The following NLGN1 variants were observed in gnomAD, a reference collection of about 807,000 sequenced individuals.
The protein encoded by NLGN1 is neuroligin 1.
In NLGN1, 12 loss-of-function variants were observed where a neutral mutation model predicts 65.5. That is an observed-to-expected ratio of 0.18 (90% CI 0.12 to 0.30). The LOEUF (loss-of-function observed/expected upper bound fraction) is 0.30. Ranked by LOEUF, NLGN1 falls within the 10% of genes least tolerant of loss-of-function variation. NLGN1 has a pLI of 1.00. For missense variants in NLGN1, 750 were observed against 1,007.1 expected, an observed-to-expected ratio of 0.74 and a Z score of 3.46; for synonymous variants, 350 against 359.5, an observed-to-expected ratio of 0.97 and a Z score of 0.30.
At chr3:173,772,886 G>A (rs1450608471) in intron 3 of NLGN1, among the ~76,000 whole-genome samples, 1 of 152,074 alleles carries the variant, frequency 6.6e-6, no homozygotes, top group Non-Finnish European at 1.5e-5. Context: ...CAGCCAGCAG[G>A]CTATAATTCC....
At chr3:173,405,758 G>A (rs768144513) in intron 1 of NLGN1, among the ~76,000 whole-genome samples, 3 of 152,026 alleles carry the variant, frequency 2.0e-5, no homozygotes, top group Non-Finnish European at 4.4e-5. Context: ...CGAAGAGACC[G>A]ATGTCTGGGG....
intron 1 of NLGN1, among the ~76,000 whole-genome samples, chr3:173,429,831 G>A (rs1716870723): frequency 6.6e-6 from 1 of 152,174 alleles, no homozygotes; most frequent in African/African-American, 2.4e-5. Flanking sequence ...GGGAAAGGTG[G>A]CTAAGGGTTA....
At chr3:173,470,391 C>A (rs896634421) in intron 2 of NLGN1, among the ~76,000 whole-genome samples, 1 of 152,038 alleles carries the variant, frequency 6.6e-6, no homozygotes, top group Non-Finnish European at 1.5e-5. Flanking sequence ...TTCTCTTTCT[C>A]TCCTTGTGAA....
intron 3 of NLGN1, among the ~76,000 whole-genome samples, chr3:173,684,202 A>G (rs1247180037): frequency 6.6e-6 from 1 of 152,172 alleles, no homozygotes; most frequent in Non-Finnish European, 1.5e-5. Flanking sequence ...TTTTGAAGAC[A>G]CAGTAAGTTT....
At chr3:174,185,785 G>A (rs1375519077) in intron 4 of NLGN1, among the ~76,000 whole-genome samples, 1 of 146,890 alleles carries the variant, frequency 6.8e-6, no homozygotes, top group African/African-American at 2.5e-5. Context: ...GTCAGTAAAG[G>A]TACCCTAAAA....
At chr3:174,150,706 A>C (rs1724154761) in intron 4 of NLGN1, among the ~76,000 whole-genome samples, 1 of 152,166 alleles carries the variant, frequency 6.6e-6, no homozygotes, top group Non-Finnish European at 1.5e-5. Context: ...CAGAGATTCA[A>C]AAGGTAAATA....
intron 2 of NLGN1, among the ~76,000 whole-genome samples, chr3:173,533,146 A>C (rs1736873265): frequency 6.6e-6 from 1 of 152,204 alleles, no homozygotes; most frequent in Admixed American, 6.5e-5. Context: ...GAACAACCTT[A>C]CATTATTTTC....
intron 3 of NLGN1, among the ~76,000 whole-genome samples, chr3:173,786,786 C>G (rs988843562): frequency 6.6e-6 from 1 of 151,988 alleles, no homozygotes; most frequent in Non-Finnish European, 1.5e-5. Context: ...ACTTAGAAAA[C>G]AGATATGGGG....
intron 4 of NLGN1, among the ~76,000 whole-genome samples, chr3:173,940,483 T>C (rs1035715895): frequency 3.3e-5 from 5 of 152,178 alleles, no homozygotes; most frequent in African/African-American, 4.8e-5. Context: ...TCAACACCAG[T>C]TTATCTTTCC....
intron 4 of NLGN1, among the ~76,000 whole-genome samples, chr3:173,945,517 G>A (rs1379531833): frequency 6.6e-6 from 1 of 151,996 alleles, no homozygotes; most frequent in Non-Finnish European, 1.5e-5. Context: ...TCTGTGTTGA[G>A]TTTTAGCTAT....
intron 4 of NLGN1, among the ~76,000 whole-genome samples, chr3:174,145,139 A>G (rs1395605732): frequency 6.6e-6 from 1 of 151,986 alleles, no homozygotes; most frequent in Non-Finnish European, 1.5e-5. Context: ...AGTTTTCCCA[A>G]CACCACTTAT....
intron 4 of NLGN1, among the ~76,000 whole-genome samples, chr3:174,221,049 G>A (rs1738548552): frequency 6.6e-6 from 1 of 152,110 alleles, no homozygotes; most frequent in Non-Finnish European, 1.5e-5. Flanking sequence ...GCAGGGAGTT[G>A]GTTCAATCTC....
At chr3:173,936,385 G>C (rs1194493177) in intron 4 of NLGN1, among the ~76,000 whole-genome samples, 1 of 151,898 alleles carries the variant, frequency 6.6e-6, no homozygotes, top group Non-Finnish European at 1.5e-5. Context: ...TACACCACGG[G>C]TTTAGAAATT....
At chr3:174,189,775 C>G (rs1026421919) in intron 4 of NLGN1, among the ~76,000 whole-genome samples, 1 of 151,854 alleles carries the variant, frequency 6.6e-6, no homozygotes, top group Non-Finnish European at 1.5e-5. Context: ...CAAAGGGAGA[C>G]AGTTCATTAA....
chr3:173,632,580 C>T (rs568989738), intron 3 of NLGN1, among the ~76,000 whole-genome samples: 3 of 152,118 alleles, frequency 2.0e-5, no homozygotes, highest in Non-Finnish European at 2.9e-5. Context: ...CTCTGTCATA[C>T]CTATGTTCAT....
intron 3 of NLGN1, among the ~76,000 whole-genome samples, chr3:173,638,847 A>G (rs572448780): frequency 1.1e-3 from 160 of 152,284 alleles, no homozygotes; most frequent in African/African-American, 3.8e-3. Context: ...ATTAATTTTC[A>G]TGTGCTAATT....
At chr3:174,210,872 T>TA (rs1736327330) in intron 4 of NLGN1, among the ~76,000 whole-genome samples, 1 of 152,208 alleles carries the variant, frequency 6.6e-6, no homozygotes, top group Non-Finnish European at 1.5e-5. Context: ...CACAAATACT[T>TA]ACCATTGTGT....
intron 4 of NLGN1, among the ~76,000 whole-genome samples, chr3:173,818,650 A>G (rs1719526839): frequency 6.6e-6 from 1 of 152,162 alleles, no homozygotes; most frequent in African/African-American, 2.4e-5. Context: ...CCTTAGGTAG[A>G]TATTTGATCT....
chr3:173,897,298 A>G (rs1457152139), intron 4 of NLGN1, among the ~76,000 whole-genome samples: 1 of 152,250 alleles, frequency 6.6e-6, no homozygotes, highest in Admixed American at 6.5e-5. Flanking sequence ...CAATAAAATC[A>G]TAAAATATCT....
Sources: gnomAD v4.1 joint callset for allele counts (sites outside exome capture counted in the v4.1 genomes callset) on GRCh38, gnomAD v4.1.1 for gene constraint, MANE v1.5 for transcripts, NCBI Gene and HGNC (gene_info 2026-07-23, HGNC 2026-07-21) for gene names.